KIAA1217: variants seen among roughly 807,000 people sequenced by gnomAD.
The protein encoded by KIAA1217 is KIAA1217.
A neutral mutation model predicts 163.9 loss-of-function variants in KIAA1217; 88 were observed. The observed-to-expected ratio is 0.54, with a 90% CI of 0.45 to 0.64. The LOEUF is 0.64. Among genes scored for constraint, KIAA1217 ranks in the 30% least tolerant of loss-of-function variants. The pLI, the probability that KIAA1217 is intolerant of heterozygous loss-of-function variation, is 0.00. For missense variants in KIAA1217, 2,372 were observed against 2,475.0 expected (o/e 0.96, Z 0.88); for synonymous variants, 903 against 923.1 (o/e 0.98, Z 0.39).
At chr10:24,365,915 T>TA (rs1056968220) in intron 2 of KIAA1217, among the ~76,000 whole-genome samples, 6 of 152,286 alleles carry the variant, frequency 3.9e-5, no homozygotes, top group Admixed American at 1.3e-4. Context: ...ACAATGGTGA[T>TA]ATGGATCATG....
intron 1 of KIAA1217, among the ~76,000 whole-genome samples, chr10:23,993,553 C>CCTTTTTTTTTT (rs1846317317): frequency 1.5e-5 from 1 of 68,956 alleles, no homozygotes; most frequent in Non-Finnish European, 2.4e-5. Context: ...CATAGCCCAG[C>CCTTTTTTTTTT]TTTTTTTTTT....
At chr10:23,994,595 A>C (rs1846380578) in intron 1 of KIAA1217, among the ~76,000 whole-genome samples, 1 of 152,200 alleles carries the variant, frequency 6.6e-6, no homozygotes, top group South Asian at 2.1e-4. Context: ...AGCCAAGATC[A>C]TGTCTGGGAT....
intron 1 of KIAA1217, among the ~76,000 whole-genome samples, chr10:24,213,227 T>C (rs1379585161): frequency 6.6e-6 from 1 of 152,174 alleles, no homozygotes; most frequent in African/African-American, 2.4e-5. Context: ...GGAACATGAA[T>C]CTAACTGTAT....
intron 1 of KIAA1217, among the ~76,000 whole-genome samples, chr10:23,817,255 G>C (rs1355752821): frequency 6.6e-6 from 1 of 152,322 alleles, no homozygotes; most frequent in Admixed American, 6.5e-5. Flanking sequence ...AGTTGCGACA[G>C]TAGGATAAGA....
chr10:24,079,570 C>A (rs2061476302), intron 2 of KIAA1217, among the ~76,000 whole-genome samples: 1 of 152,196 alleles, frequency 6.6e-6, no homozygotes, highest in Admixed American at 6.5e-5. Context: ...TCTGATTAGT[C>A]TCATTCCTTC....
In KIAA1217 at chr10:24,442,826, T is replaced by G. The variant is rs188515568; in HGVS notation, c.846+4347T>G. ...CATCCACTCCACTTTGCAAGGCCTC[T>G]AACAGATGACCCTTCTGCCACTGCC... is the stretch of plus-strand genomic sequence containing the variant. On this transcript the variant is annotated intron_variant, in intron 5 of 20. Transcript: ENST00000376454. Among the ~76,000 whole-genome samples the G allele has an allele frequency of 1.5e-3, 234 of 152,264 alleles. 2 individuals carry two copies. Among genetic ancestry groups the G allele is most frequent in the Non-Finnish European group, 2.9e-3 (199 of 68,014 alleles).
chr10:23,842,419 A>G (rs1338567576), intron 1 of KIAA1217, among the ~76,000 whole-genome samples: 1 of 152,142 alleles, frequency 6.6e-6, no homozygotes, highest in East Asian at 1.9e-4. Context: ...TCGGAAAAAA[A>G]GGCAGTCTTC....
At chr10:24,165,359 A>G (rs1445132004) in intron 2 of KIAA1217, among the ~76,000 whole-genome samples, 3 of 152,152 alleles carry the variant, frequency 2.0e-5, no homozygotes, top group African/African-American at 4.8e-5. Context: ...GGCACCCAAG[A>G]TCCATATGTG....
At chr10:23,978,398 G>A (rs1845628571) in intron 1 of KIAA1217, among the ~76,000 whole-genome samples, 1 of 152,118 alleles carries the variant, frequency 6.6e-6, no homozygotes, top group African/African-American at 2.4e-5. Flanking sequence ...CTGTGACTAG[G>A]AAACAAGGAA....
chr10:23,896,330 A>C (rs982869507), intron 1 of KIAA1217, among the ~76,000 whole-genome samples: 12 of 151,966 alleles, frequency 7.9e-5, no homozygotes, highest in African/African-American at 2.9e-4. Context: ...TTCTGCATGA[A>C]TTTGTCACAC....
intron 1 of KIAA1217, among the ~76,000 whole-genome samples, chr10:23,759,411 G>A (rs1456539115): frequency 6.6e-6 from 1 of 151,958 alleles, no homozygotes; most frequent in African/African-American, 2.4e-5. Context: ...TCTTTTTCTT[G>A]CCTATCGGCT....
intron 1 of KIAA1217, among the ~76,000 whole-genome samples, chr10:23,918,733 T>TATATATACACACACAC (rs769797460): frequency 3.4e-5 from 5 of 147,478 alleles, no homozygotes; most frequent in African/African-American, 1.3e-4. Context: ...ATTAAATATA[T>TATATATACACACACAC]ACACACACAC....
In KIAA1217 at chr10:24,119,615, G is replaced by C. The variant is rs1036359139; in HGVS notation, c.-170-100011G>C. On this transcript the variant is annotated intron_variant, in intron 2 of 18. Transcript: ENST00000376462. ...CTGTGAGGCTGATCTAGCTGTATGT[G>C]GTTAAAGGATATACAGGTAATCAGA... is the stretch of plus-strand genomic sequence containing the variant. 3.6e-4 allele frequency among the ~76,000 whole-genome samples: 55 copies of C among 152,174 alleles called. 1 individual carries two copies. The highest frequency in any genetic ancestry group is 3.5e-3 in the Admixed American group (53 of 15,282).
chr10:24,063,061 T>A (rs1368031373), intron 2 of KIAA1217, among the ~76,000 whole-genome samples: 1 of 152,118 alleles, frequency 6.6e-6, no homozygotes, highest in Non-Finnish European at 1.5e-5. Flanking sequence ...ATGAGTAGGT[T>A]GCAAAAATTT....
chr10:24,115,585 G>A (rs1206711371), intron 2 of KIAA1217, among the ~76,000 whole-genome samples: 2 of 152,232 alleles, frequency 1.3e-5, no homozygotes, highest in African/African-American at 4.8e-5. Flanking sequence ...CCTGCTCACA[G>A]TGAGATCACT....
intron 5 of KIAA1217, among the ~76,000 whole-genome samples, chr10:24,442,095 G>T (rs751986849): frequency 6.6e-6 from 1 of 151,874 alleles, no homozygotes; most frequent in Non-Finnish European, 1.5e-5. Context: ...ATTTTTACTT[G>T]TATATAGACA....
intron 14 of KIAA1217, among the ~76,000 whole-genome samples, 196 bp downstream of exon 14, chr10:24,528,315 T>G (rs939501560): frequency 1.6e-5 from 2 of 122,682 alleles, no homozygotes; most frequent in African/African-American, 6.0e-5. Flanking sequence ...TTTTGTTTTT[T>G]TTTTTTGTTT....
At chr10:23,892,564 CT>C (rs1841460346) in intron 1 of KIAA1217, among the ~76,000 whole-genome samples, 2 of 151,828 alleles carry the variant, frequency 1.3e-5, no homozygotes, top group Non-Finnish European at 2.9e-5. Context: ...AGAAATCAGC[CT>C]TTGAATTAAA....
intron 2 of KIAA1217, among the ~76,000 whole-genome samples, chr10:24,223,711 C>CTTT (rs535787368): frequency 2.3e-5 from 3 of 128,506 alleles, no homozygotes; most frequent in South Asian, 2.5e-4. Flanking sequence ...AATCTAGGTT[C>CTTT]TTTTTTTTTT....
Sources: allele counts gnomAD v4.1 joint callset (sites outside exome capture counted in the v4.1 genomes callset), GRCh38; gene constraint gnomAD v4.1.1; transcripts MANE v1.5; gene names NCBI Gene and HGNC (gene_info 2026-07-23, HGNC 2026-07-21).